The following LRPPRC variants were observed in gnomAD, a reference collection of about 807,000 sequenced individuals.
LRPPRC encodes leucine rich pentatricopeptide repeat containing.
Under a neutral mutation model 180.3 loss-of-function variants are expected in LRPPRC, and 120 were observed. That is an observed-to-expected ratio of 0.67 (90% CI 0.57 to 0.77). The LOEUF (loss-of-function observed/expected upper bound fraction) is 0.77, where lower values mean the gene tolerates loss of function less well. LRPPRC is among the 30% of genes least tolerant of loss of function. The pLI is 0.00. For missense variants in LRPPRC, 2,012 were observed against 1,657.2 expected, an observed-to-expected ratio of 1.21 and a Z score of -3.72; for synonymous variants, 723 against 600.0, an observed-to-expected ratio of 1.21 and a Z score of -3.00.
chr2:43,951,638 G>T (rs1027934762), intron 14 of LRPPRC, among the ~76,000 whole-genome samples: 1 of 152,104 alleles, frequency 6.6e-6, no homozygotes, highest in Non-Finnish European at 1.5e-5. Context: ...TAATAGTCCA[G>T]CAAAGAAAGA....
At chr2:43,927,582 T>C (rs1671932921) in intron 25 of LRPPRC, among the ~76,000 whole-genome samples, 1 of 152,216 alleles carries the variant, frequency 6.6e-6, no homozygotes, top group African/African-American at 2.4e-5. Context: ...CCAATGTCAA[T>C]ATATACTAAA....
rs781580387 is a variant in LRPPRC at position 43,963,561 on chromosome 2, T to C, written c.1488+27A>G. 17 of 1,307,608 alleles carry C rather than the reference T, an allele frequency of 1.3e-5. No individual in the cohort carries two copies. In the South Asian group the frequency reaches 1.5e-4, roughly 12 times the overall value. 81.0% of individuals were successfully genotyped at this position (1,307,608 alleles called of 1,614,324 possible). On this transcript the variant is annotated intron_variant, in intron 12 of 37. Transcript: ENST00000260665. ...GGAGGAAAGATATCCTCTTCAATTA[T>C]TAAATTAAAACCACACTTGTACTCA... is the stretch of plus-strand genomic sequence containing the variant.
At chr2:43,945,997 A>G (rs1175360040) in intron 21 of LRPPRC, 116 bp downstream of exon 21, 2 of 1,149,034 alleles carry the variant, frequency 1.7e-6, no homozygotes. Context: ...CACTGACAAC[A>G]AAAGAATTTT....
In LRPPRC at chr2:43,982,333, T is replaced by C; in HGVS notation, c.251A>G (p.Asp84Gly). 6.2e-7 allele frequency: 1 copy of C among 1,613,532 alleles called. No homozygotes were observed. Among genetic ancestry groups the C allele is most frequent in the Non-Finnish European group, 8.5e-7 (1 of 1,179,618 alleles). Residue 84 changes from aspartate to glycine, a missense_variant, in exon 2 of 38, where the codon GAT becomes GGT. Coordinates refer to ENST00000260665, the MANE Select transcript of LRPPRC (RefSeq NM_133259.4). ...AAGATCTAGTCTCATTAGAGCCCAA[T>C]CAAACTGATTGGAAATCTTCCTAGA... ...FSSRKISNQF[D>G]WALMRLDLSV...
intron 12 of LRPPRC, among the ~76,000 whole-genome samples, chr2:43,963,122 C>G (rs759766781): frequency 6.6e-6 from 1 of 152,124 alleles, no homozygotes; most frequent in African/African-American, 2.4e-5. Flanking sequence ...AAATGTTATA[C>G]CAACTAATAT....
intron 29 of LRPPRC, among the ~76,000 whole-genome samples, chr2:43,916,474 A>G (rs1671470527): frequency 6.6e-6 from 1 of 152,034 alleles, no homozygotes; most frequent in African/African-American, 2.4e-5. Flanking sequence ...CAGACCTCTA[A>G]CCTTGAGATA....
chr2:43,955,474 GA>G (rs200193004), intron 14 of LRPPRC, among the ~76,000 whole-genome samples: 66,570 of 116,256 alleles, frequency 0.57, 16,314 homozygotes, highest in East Asian at 0.87. Flanking sequence ...GTCTCAAAAA[GA>G]AAAAAAAAAA....
Position 43,894,590 on chromosome 2 carries a change from A to G in LRPPRC, c.3940T>C (p.Leu1314=). 1 of 1,584,256 alleles carries G rather than the reference A, an allele frequency of 6.3e-7. No homozygotes were observed. Among genetic ancestry groups the G allele is most frequent in the Non-Finnish European group, 8.7e-7 (1 of 1,153,162 alleles). The change falls in exon 36 of 38, where the codon TTA becomes CTA. Residue 1314 remains leucine, a synonymous_variant. Transcript: ENST00000260665. ...VKSVLELIPE[L]NEKEEAYNSL... ...TTGTATGCTTCTTCCTTTTCATTTA[A>G]TTCAGGAATCAATTCTAACACAGAT...
In LRPPRC at chr2:43,929,515, T is replaced by G. The variant is rs530966106; in HGVS notation, c.2737-3554A>C. Among the ~76,000 whole-genome samples the G allele has an allele frequency of 3.9e-5, 6 of 152,346 alleles. No homozygotes were observed. The South Asian group carries it at 1.0e-3, about 26-fold the overall frequency. ...TTTTAAGCATTCATGACATACCTTT[T>G]TCTTAATTTTTTTCAGTATTTCTAG... is the stretch of plus-strand genomic sequence containing the variant. On this transcript the variant is annotated intron_variant, in intron 25 of 37. Coordinates refer to ENST00000260665, the MANE Select transcript of LRPPRC (RefSeq NM_133259.4).
chr2:43,977,690 TTC>T lies in LRPPRC; in HGVS notation c.470-416_470-415del, dbSNP rs368217489. Among the ~76,000 whole-genome samples the T allele has an allele frequency of 3.9e-5, 6 of 152,292 alleles. No homozygotes were observed. In the East Asian group the frequency reaches 9.6e-4, roughly 24 times the overall value. On this transcript the variant is annotated intron_variant, in intron 3 of 37. Coordinates refer to ENST00000260665, the MANE Select transcript of LRPPRC (RefSeq NM_133259.4). ...TCACACAGTAGGACTGTGCTGGCAA[TTC>T]TGTCACTCAAAGCCTTCATTTTAAG...
chr2:43,922,095 C>T (rs1242842643), intron 27 of LRPPRC, among the ~76,000 whole-genome samples: 30 of 152,052 alleles, frequency 2.0e-4, no homozygotes, highest in Admixed American at 1.9e-3. Context: ...GTTATAGGTT[C>T]TAGAAGCTAA....
Position 43,899,524 on chromosome 2 carries a change from G to A in LRPPRC, c.3651C>T (p.Gly1217=). 6.2e-7 allele frequency: 1 copy of A among 1,613,240 alleles called. No individual in the cohort carries two copies. ...TTACTTTTCTGAATAAGTATGCCAA[G>A]CCGAAGTATTGGGGTTCAATGACTT... ...ENKVIEPQYF[G]LAYLFRKVIE... Residue 1217 remains glycine (G), a synonymous_variant, in exon 33 of 38, where the codon GGC becomes GGT. Coordinates refer to ENST00000260665, the MANE Select transcript of LRPPRC (RefSeq NM_133259.4).
chr2:43,995,778 AG>A lies in LRPPRC; in HGVS notation c.149+20del. Reference sequence around the variant, plus strand: ...GACCCTGGCGCCGCAGCTTGCCTGGAGAAAGGGCCTGGGCACTCACCCGGCC... The same window carrying A: ...GACCCTGGCGCCGCAGCTTGCCTGGAAAAGGGCCTGGGCACTCACCCGGCC... On this transcript the variant is annotated intron_variant, in intron 1 of 37. Transcript: ENST00000260665. 7.4e-7 allele frequency: 1 copy of A among 1,351,286 alleles called. No individual in the cohort carries two copies. Among genetic ancestry groups the A allele is most frequent in the African/African-American group, 1.5e-5 (1 of 64,936 alleles). The allele number at this position is 1,351,286 out of a possible 1,614,324, so 83.7% of individuals were successfully genotyped here.
intron 12 of LRPPRC, among the ~76,000 whole-genome samples, 167 bp from the exon 13 acceptor site, chr2:43,960,801 A>T (rs962172056): frequency 6.6e-6 from 1 of 152,252 alleles, no homozygotes; most frequent in Admixed American, 6.5e-5. Flanking sequence ...ATGACATTTC[A>T]GCATTCTAAG....
intron 1 of LRPPRC, among the ~76,000 whole-genome samples, chr2:43,982,937 T>TC (rs1674376798): frequency 6.6e-6 from 1 of 151,478 alleles, no homozygotes; most frequent in African/African-American, 2.4e-5. Context: ...GCAGGGTTTT[T>TC]TTTTTTAAGG....
rs76524567 is a variant in LRPPRC at position 43,969,406 on chromosome 2, T to C, written c.1369+4201A>G. 2.6e-4 allele frequency among the ~76,000 whole-genome samples: 35 copies of C among 134,948 alleles called. No individual in the cohort carries two copies. The East Asian group carries it at 7.0e-3, about 27-fold the overall frequency. The allele number at this position is 134,948 out of a possible 152,430, so 88.5% of individuals were successfully genotyped here. Reference sequence around the variant, plus strand: ...GCCTGGGCGACAGAGCGAGACTCCATCTCAAAAAAAAAAAAAAAGAAACCA... The same window carrying C: ...GCCTGGGCGACAGAGCGAGACTCCACCTCAAAAAAAAAAAAAAAGAAACCA... On this transcript the variant is annotated intron_variant, in intron 11 of 37. Coordinates refer to ENST00000260665, the MANE Select transcript of LRPPRC (RefSeq NM_133259.4).
chr2:43,985,129 T>G (rs967194861), intron 1 of LRPPRC, among the ~76,000 whole-genome samples: 1 of 151,708 alleles, frequency 6.6e-6, no homozygotes, highest in Non-Finnish European at 1.5e-5. Flanking sequence ...CCCCACTACT[T>G]TTAAGCATGT....
chr2:43,950,715 G>T, intron 14 of LRPPRC, 115 bp from the exon 15 acceptor site: 2 of 775,086 alleles, frequency 2.6e-6, no homozygotes, highest in Non-Finnish European at 4.5e-6. Context: ...AATGTTTGCT[G>T]TATCAGGATG....
chr2:43,976,034 ATT>A lies in LRPPRC; in HGVS notation c.737+107_737+108del, dbSNP rs1356134667. The stretch of plus-strand genomic sequence containing the variant: ...TGTATTTTAAGAACTGTCTACAATA[ATT>A]TTCTCTAATTTAAACCCCACTTAAC... On this transcript the variant is annotated intron_variant, in intron 6 of 37. Coordinates refer to ENST00000260665, the MANE Select transcript of LRPPRC (RefSeq NM_133259.4). 4.4e-6 allele frequency: 3 copies of A among 684,074 alleles called. 1 individual carries two copies. The African/African-American group carries it at 5.4e-5, about 12-fold the overall frequency. 42.4% of individuals were successfully genotyped at this position (684,074 alleles called of 1,614,324 possible).
Sources: allele counts gnomAD v4.1 joint callset (sites outside exome capture counted in the v4.1 genomes callset), GRCh38; gene constraint gnomAD v4.1.1; transcripts MANE v1.5; gene names NCBI Gene and HGNC (gene_info 2026-07-23, HGNC 2026-07-21).